RASGRF1: variants seen among roughly 807,000 people sequenced by gnomAD.
RASGRF1 encodes ras-specific guanine nucleotide-releasing factor 1.
A neutral mutation model predicts 138.7 loss-of-function variants in RASGRF1; 40 were observed. That is an observed-to-expected ratio of 0.29 (90% CI 0.22 to 0.38). The LOEUF (loss-of-function observed/expected upper bound fraction) is 0.38. Among genes scored for constraint, RASGRF1 ranks in the 10% least tolerant of loss-of-function variants. The pLI, the probability that RASGRF1 is intolerant of heterozygous loss-of-function variation, is 1.00. For missense variants in RASGRF1, 1,108 were observed against 1,650.4 expected, an observed-to-expected ratio of 0.67 and a Z score of 5.69; for synonymous variants, 614 against 663.2, an observed-to-expected ratio of 0.93 and a Z score of 1.14.
intron 3 of RASGRF1, among the ~76,000 whole-genome samples, chr15:79,055,362 G>A (rs560715235): frequency 7.2e-5 from 11 of 152,302 alleles, no homozygotes; most frequent in African/African-American, 2.2e-4. Context: ...TTGTGCATAT[G>A]TGTATGTGTG....
intron 1 of RASGRF1, among the ~76,000 whole-genome samples, chr15:79,080,994 C>T (rs1042456877): frequency 6.6e-6 from 1 of 152,216 alleles, no homozygotes; most frequent in African/African-American, 2.4e-5. Flanking sequence ...TATGTAGAAC[C>T]ACAGTAACTG....
At chr15:79,005,003 G>A (rs1429862855) in intron 14 of RASGRF1, 4 of 985,456 alleles carry the variant, frequency 4.1e-6, no homozygotes, top group Non-Finnish European at 1.2e-6. Flanking sequence ...GTTCTGCAGG[G>A]CACTGCTGCT....
rs2058043543 is a variant in RASGRF1 at position 79,090,603 on chromosome 15, G to GCTCC, written c.-109_-106dup. The GCTCC allele has an allele frequency of 6.9e-7, 1 of 1,446,148 alleles. No individual in the cohort carries two copies. The highest frequency in any genetic ancestry group is 1.3e-5 in the South Asian group (1 of 77,730). 89.6% of individuals were successfully genotyped at this position (1,446,148 alleles called of 1,614,324 possible). The stretch of plus-strand genomic sequence containing the variant: ...GCCTCTCTCTGGCGCTCGCTCGCTC[G>GCTCC]CTCCCTCTAGCTCTCCCCTCCCCCC... On this transcript the variant is annotated 5_prime_UTR_variant, in exon 1 of 27. Coordinates refer to ENST00000558480, the MANE Select transcript of RASGRF1 (RefSeq NM_001145648.3).
chr15:78,982,833 GT>G (rs2056064928), intron 23 of RASGRF1, among the ~76,000 whole-genome samples: 1 of 152,048 alleles, frequency 6.6e-6, no homozygotes, highest in Admixed American at 6.5e-5. Flanking sequence ...ACAAATCCAC[GT>G]TAGTCATTGT....
At chr15:79,065,373 T>TGGGAGG (rs1243008412) in intron 1 of RASGRF1, among the ~76,000 whole-genome samples, 2 of 126,222 alleles carry the variant, frequency 1.6e-5, no homozygotes, top group Admixed American at 8.7e-5. Flanking sequence ...ATAGCATATT[T>TGGGAGG]GGGAGGGGGA....
intron 14 of RASGRF1, chr15:79,004,971 C>T: frequency 1.0e-6 from 1 of 985,428 alleles, no homozygotes; most frequent in Non-Finnish European, 1.2e-6. Context: ...GGGCTGAGAG[C>T]TGGCTCTGAA....
chr15:79,054,725 GTTTTAAGAC>G (rs2057487355), intron 3 of RASGRF1, among the ~76,000 whole-genome samples: 1 of 152,216 alleles, frequency 6.6e-6, no homozygotes, highest in African/African-American at 2.4e-5. Context: ...AACCTCTGTT[GTTTTAAGAC>G]ATTCAGATTT....
chr15:79,053,220 G>T (rs1375239480), intron 3 of RASGRF1, among the ~76,000 whole-genome samples: 1 of 152,056 alleles, frequency 6.6e-6, no homozygotes. Flanking sequence ...AGCCGAGATT[G>T]TGCCATTGCG....
intron 24 of RASGRF1, among the ~76,000 whole-genome samples, chr15:78,975,482 A>G (rs1011648537): frequency 2.0e-5 from 3 of 148,020 alleles, no homozygotes; most frequent in Non-Finnish European, 3.0e-5. Flanking sequence ...TGATTATTAC[A>G]TGCACAGGTC....
intron 5 of RASGRF1, among the ~76,000 whole-genome samples, chr15:79,039,960 G>C (rs1387562986): frequency 6.6e-6 from 1 of 152,048 alleles, no homozygotes; most frequent in African/African-American, 2.4e-5. Flanking sequence ...GTAGAGATGG[G>C]ATCTCCCTAT....
chr15:79,077,226 G>A (rs947640645), intron 1 of RASGRF1, among the ~76,000 whole-genome samples: 1 of 152,088 alleles, frequency 6.6e-6, no homozygotes, highest in East Asian at 1.9e-4. Flanking sequence ...GGTCTACCAG[G>A]GTTTGGAGTC....
chr15:78,969,350 G>A (rs751137470), intron 26 of RASGRF1, among the ~76,000 whole-genome samples: 1 of 152,224 alleles, frequency 6.6e-6, no homozygotes, highest in Admixed American at 6.5e-5. Context: ...TATAGGTGAT[G>A]TTGTGGCTCA....
chr15:78,977,496 G>A (rs1022577614), intron 24 of RASGRF1, among the ~76,000 whole-genome samples: 1 of 152,222 alleles, frequency 6.6e-6, no homozygotes, highest in African/African-American at 2.4e-5. Context: ...CTGCTCTGTG[G>A]TCACAGGCAG....
intron 1 of RASGRF1, among the ~76,000 whole-genome samples, chr15:79,076,463 C>T (rs1303682347): frequency 6.6e-6 from 1 of 152,168 alleles, no homozygotes; most frequent in Non-Finnish European, 1.5e-5. Context: ...GGCCCATGGT[C>T]CTGGATGCAG....
rs1491434050 is a variant in RASGRF1 at position 79,078,133 on chromosome 15, G to GTGTGTGTGTGTGTGTGTGTGCATGCA, written c.276+12064_276+12089dup. Among the ~76,000 whole-genome samples, 13 of 105,502 alleles carry GTGTGTGTGTGTGTGTGTGTGCATGCA rather than the reference G, an allele frequency of 1.2e-4. No homozygotes were observed. The East Asian group carries it at 3.2e-3, about 26-fold the overall frequency. The allele number at this position is 105,502 out of a possible 152,430, so 69.2% of individuals were successfully genotyped here. ...GAGTGGCTGTGCTACAGAGAACCTGGTGTGTGTGTGTGTGTGTGTGCATGC... is the reference window on the plus strand; with the variant it reads ...GAGTGGCTGTGCTACAGAGAACCTGGTGTGTGTGTGTGTGTGTGTGCATGCATGTGTGTGTGTGTGTGTGTGCATGC... On this transcript the variant is annotated intron_variant, in intron 1 of 26. Transcript: ENST00000558480.
chr15:79,025,479 G>A lies in RASGRF1; in HGVS notation c.1382-5C>T. On this transcript the variant is annotated splice_polypyrimidine_tract_variant and splice_region_variant and intron_variant, in intron 9 of 26. Transcript: ENST00000558480. The stretch of plus-strand genomic sequence containing the variant: ...TGGGCACCTGAATGAGGGAACCTGT[G>A]GGTGGAGGAGAGAGACCCTGAGCCC... 6.2e-7 allele frequency: 1 copy of A among 1,610,890 alleles called. No individual in the cohort carries two copies. Among genetic ancestry groups the A allele is most frequent in the Middle Eastern group, 1.7e-4 (1 of 5,752 alleles).
intron 1 of RASGRF1, among the ~76,000 whole-genome samples, chr15:79,079,020 A>G (rs1273495638): frequency 2.6e-5 from 4 of 152,220 alleles, no homozygotes; most frequent in Non-Finnish European, 2.9e-5. Flanking sequence ...AAGCCCTTGA[A>G]AGCCCCCCTC....
chr15:78,997,815 G>A (rs2056428024), intron 19 of RASGRF1: 2 of 460,726 alleles, frequency 4.3e-6, no homozygotes, highest in South Asian at 5.0e-5. Context: ...CTAGACAGGG[G>A]TTAGCAGCTG....
At chr15:79,090,140 A>C in intron 1 of RASGRF1, 83 bp downstream of exon 1, 1 of 1,447,348 alleles carries the variant, frequency 6.9e-7, no homozygotes, top group South Asian at 1.4e-5. Flanking sequence ...CCAAAGTTCA[A>C]GCGCCATCAG....
Sources: allele counts gnomAD v4.1 joint callset (sites outside exome capture counted in the v4.1 genomes callset), GRCh38; gene constraint gnomAD v4.1.1; transcripts MANE v1.5; gene names NCBI Gene and HGNC (gene_info 2026-07-23, HGNC 2026-07-21).